Variants in HS3ST5 observed in about 807,000 individuals in gnomAD.
HS3ST5 encodes heparan sulfate-glucosamine 3-sulfotransferase 5.
HS3ST5 carries 10 observed loss-of-function variants against 25.4 expected under a neutral mutation model. That is an observed-to-expected ratio of 0.39 (90% CI 0.24 to 0.67). The LOEUF (loss-of-function observed/expected upper bound fraction) is 0.67, where lower values mean the gene tolerates loss of function less well. Among genes scored for constraint, HS3ST5 ranks in the 30% least tolerant of loss-of-function variants. The pLI, the probability that HS3ST5 is intolerant of heterozygous loss-of-function variation, is 0.44. For missense variants in HS3ST5, 324 were observed against 420.7 expected (o/e 0.77, Z 2.01); for synonymous variants, 170 against 162.4 (o/e 1.05, Z -0.36).
At chr6:114,236,971 C>T (rs147932807) in intron 1 of HS3ST5, among the ~76,000 whole-genome samples, 1 of 152,302 alleles carries the variant, frequency 6.6e-6, no homozygotes, top group East Asian at 1.9e-4. Context: ...TCCACTTTCT[C>T]AGAATGTTAC....
chr6:114,189,988 T>C (rs1397645446), intron 2 of HS3ST5, among the ~76,000 whole-genome samples: 1 of 152,190 alleles, frequency 6.6e-6, no homozygotes, highest in African/African-American at 2.4e-5. Context: ...TTGAGTATCC[T>C]TCCTCAAGAA....
chr6:114,214,595 C>T (rs865993338), intron 2 of HS3ST5, among the ~76,000 whole-genome samples: 8 of 152,252 alleles, frequency 5.3e-5, no homozygotes, highest in South Asian at 2.1e-4. Flanking sequence ...CTTAACTGCA[C>T]GTCAGAAACA....
At chr6:114,226,138 A>G (rs1403128795) in intron 2 of HS3ST5, among the ~76,000 whole-genome samples, 2 of 152,000 alleles carry the variant, frequency 1.3e-5, no homozygotes, top group Non-Finnish European at 2.9e-5. Flanking sequence ...AACCAAACAT[A>G]TAACATTATC....
At chr6:114,130,844 C>T (rs1278143990) in intron 3 of HS3ST5, among the ~76,000 whole-genome samples, 2 of 152,120 alleles carry the variant, frequency 1.3e-5, no homozygotes, top group Non-Finnish European at 2.9e-5. Flanking sequence ...GCTGGGATTA[C>T]AGGTGTGAGC....
At chr6:114,100,417 T>C (rs1775664220) in intron 3 of HS3ST5, among the ~76,000 whole-genome samples, 1 of 152,190 alleles carries the variant, frequency 6.6e-6, no homozygotes, top group African/African-American at 2.4e-5. Context: ...CTAGCAGTAT[T>C]TCCCCAGAGA....
chr6:114,113,060 C>G (rs1000166754), intron 3 of HS3ST5, among the ~76,000 whole-genome samples: 3 of 152,116 alleles, frequency 2.0e-5, no homozygotes, highest in Non-Finnish European at 2.9e-5. Flanking sequence ...ATTCCACTTT[C>G]CCCCTCAAAT....
intron 3 of HS3ST5, among the ~76,000 whole-genome samples, chr6:114,150,099 T>A (rs1420755870): frequency 6.6e-6 from 1 of 152,258 alleles, no homozygotes; most frequent in Non-Finnish European, 1.5e-5. Context: ...TATGTTTTTC[T>A]TGATGACCAT....
chr6:114,063,680 G>A (rs913770812), intron 3 of HS3ST5, among the ~76,000 whole-genome samples: 6 of 152,162 alleles, frequency 3.9e-5, no homozygotes, highest in Non-Finnish European at 8.8e-5. Context: ...TTTTGTTTTA[G>A]TTGTGAGTAG....
At chr6:114,105,006 A>AT (rs963157775) in intron 3 of HS3ST5, among the ~76,000 whole-genome samples, 6 of 150,396 alleles carry the variant, frequency 4.0e-5, no homozygotes, top group African/African-American at 7.3e-5. Context: ...TGACCTGGTG[A>AT]TTTTTTTTTT....
intron 1 of HS3ST5, among the ~76,000 whole-genome samples, chr6:114,240,843 G>C (rs539602302): frequency 6.6e-6 from 1 of 152,180 alleles, no homozygotes; most frequent in African/African-American, 2.4e-5. Context: ...TGTGAGTACT[G>C]ATCACACCAG....
At chr6:114,074,955 T>G (rs957564429) in intron 3 of HS3ST5, among the ~76,000 whole-genome samples, 4 of 152,134 alleles carry the variant, frequency 2.6e-5, no homozygotes, top group African/African-American at 9.7e-5. Flanking sequence ...AGAGGCACCT[T>G]TCTTCTCTAA....
intron 1 of HS3ST5, among the ~76,000 whole-genome samples, chr6:114,278,328 T>C (rs1773955368): frequency 1.3e-5 from 2 of 152,048 alleles, no homozygotes; most frequent in Non-Finnish European, 2.9e-5. Context: ...CTTGTCATTA[T>C]TATTAATTTT....
At chr6:114,258,390 T>C (rs1305518897) in intron 1 of HS3ST5, among the ~76,000 whole-genome samples, 1 of 152,064 alleles carries the variant, frequency 6.6e-6, no homozygotes, top group African/African-American at 2.4e-5. Context: ...CCATTCAGAG[T>C]ATCAACTTCA....
At chr6:114,119,557 C>T (rs1295820142) in intron 3 of HS3ST5, among the ~76,000 whole-genome samples, 3 of 152,144 alleles carry the variant, frequency 2.0e-5, no homozygotes, top group African/African-American at 7.2e-5. Flanking sequence ...GAGCACTGCA[C>T]ACAGAATTGC....
chr6:114,062,677 T>A (rs1773198131), intron 4 of HS3ST5, 62 bp downstream of exon 4: 2 of 1,050,666 alleles, frequency 1.9e-6, no homozygotes, highest in Non-Finnish European at 2.9e-6. Flanking sequence ...AATTATGTCC[T>A]AAGGAAGTTT....
chr6:114,182,090 A>G (rs1780000426), intron 2 of HS3ST5, among the ~76,000 whole-genome samples: 1 of 152,170 alleles, frequency 6.6e-6, no homozygotes, highest in Non-Finnish European at 1.5e-5. Context: ...CAGATTGAGA[A>G]TGTATGCAAG....
intron 2 of HS3ST5, among the ~76,000 whole-genome samples, chr6:114,188,629 A>C (rs2078066429): frequency 6.6e-6 from 1 of 152,060 alleles, no homozygotes; most frequent in Non-Finnish European, 1.5e-5. Context: ...TATTAATATC[A>C]TGCTTTTATT....
At chr6:114,212,058 G>A (rs1202986949) in intron 2 of HS3ST5, among the ~76,000 whole-genome samples, 2 of 152,200 alleles carry the variant, frequency 1.3e-5, no homozygotes, top group East Asian at 3.9e-4. Context: ...GTCTATAACG[G>A]CCTCTCCTGG....
At chr6:114,324,337 A>C (rs944743584) in intron 1 of HS3ST5, among the ~76,000 whole-genome samples, 2 of 152,228 alleles carry the variant, frequency 1.3e-5, no homozygotes, top group Non-Finnish European at 2.9e-5. Flanking sequence ...AGGGACAAGT[A>C]GTTTCTTACG....
Sources: gnomAD v4.1 joint callset for allele counts (sites outside exome capture counted in the v4.1 genomes callset) on GRCh38, gnomAD v4.1.1 for gene constraint, MANE v1.5 for transcripts, NCBI Gene and HGNC (gene_info 2026-07-23, HGNC 2026-07-21) for gene names.